HABP2: variants seen among roughly 807,000 people sequenced by gnomAD.
The protein encoded by HABP2 is hyaluronan binding protein 2.
In HABP2, 65 loss-of-function variants were observed where a neutral mutation model predicts 66.5. That is an observed-to-expected ratio of 0.98 (90% CI 0.80 to 1.20). The LOEUF (loss-of-function observed/expected upper bound fraction) is 1.20. Among genes scored for constraint, HABP2 ranks in the 50% most tolerant of loss-of-function variants. The pLI, the probability that HABP2 is intolerant of heterozygous loss-of-function variation, is 0.00. For missense variants in HABP2, 786 were observed against 691.0 expected (o/e 1.14, Z -1.54); for synonymous variants, 263 against 253.9 (o/e 1.04, Z -0.34).
chr10:113,580,542 A>C, intron 7 of HABP2, 53 bp from the exon 8 acceptor site: 1 of 917,006 alleles, frequency 1.1e-6, no homozygotes, highest in East Asian at 2.4e-5. Context: ...CTTTAATAAG[A>C]TCCAGTGTGT....
chr10:113,554,806 T>C (rs1844962608), intron 1 of HABP2, among the ~76,000 whole-genome samples: 1 of 152,218 alleles, frequency 6.6e-6, no homozygotes, highest in East Asian at 1.9e-4. Flanking sequence ...ATTGAATTTT[T>C]AGGGTTAGCA....
intron 3 of HABP2, 26 bp from the exon 4 acceptor site, chr10:113,575,871 C>T: frequency 1.5e-6 from 2 of 1,354,710 alleles, no homozygotes; most frequent in Non-Finnish European, 2.1e-6. Flanking sequence ...TCCTTACCAA[C>T]ATTGCCTTCT....
At chr10:113,572,381 T>C (rs1354510581) in intron 2 of HABP2, among the ~76,000 whole-genome samples, 1 of 152,214 alleles carries the variant, frequency 6.6e-6, no homozygotes, top group Non-Finnish European at 1.5e-5. Context: ...AAAGAAGTAA[T>C]TCTTAATGGC....
intron 1 of HABP2, among the ~76,000 whole-genome samples, chr10:113,564,342 C>T (rs372469439): frequency 6.6e-6 from 1 of 152,138 alleles, no homozygotes. Flanking sequence ...ACAGCCAAAC[C>T]ATATTAGGGT....
At chr10:113,557,295 C>T (rs1310409059) in intron 1 of HABP2, among the ~76,000 whole-genome samples, 3 of 152,086 alleles carry the variant, frequency 2.0e-5, no homozygotes, top group Non-Finnish European at 4.4e-5. Flanking sequence ...ACTGCAAATT[C>T]TCATAGATTT....
chr10:113,554,724 A>G (rs1013228694), intron 1 of HABP2, among the ~76,000 whole-genome samples: 1 of 152,230 alleles, frequency 6.6e-6, no homozygotes, highest in African/African-American at 2.4e-5. Context: ...GGGCAAGGAG[A>G]AACGTTGACA....
chr10:113,583,841 T>A (rs770861227), intron 10 of HABP2, among the ~76,000 whole-genome samples: 1 of 152,216 alleles, frequency 6.6e-6, no homozygotes, highest in African/African-American at 2.4e-5. Context: ...TCCCTTTTCA[T>A]GAGACACCCC....
chr10:113,565,865 C>T (rs926000629), intron 1 of HABP2, among the ~76,000 whole-genome samples: 1 of 152,108 alleles, frequency 6.6e-6, no homozygotes, highest in South Asian at 2.1e-4. Flanking sequence ...TGTAGAATGC[C>T]CTGCAATTTG....
intron 1 of HABP2, among the ~76,000 whole-genome samples, chr10:113,558,493 A>G (rs989180974): frequency 6.6e-6 from 1 of 152,220 alleles, no homozygotes; most frequent in Non-Finnish European, 1.5e-5. Context: ...GAGGATAGAG[A>G]CACCAGCACC....
Position 113,588,798 on chromosome 10 carries a change from CAG to C in HABP2, c.*434_*435del, listed in dbSNP as rs1181106198. The C allele has an allele frequency of 6.7e-5, 41 of 611,728 alleles. 1 individual carries two copies. In the South Asian group the frequency reaches 8.1e-4, roughly 12 times the overall value. 37.9% of individuals were successfully genotyped at this position (611,728 alleles called of 1,614,324 possible). A position where few individuals can be genotyped will look rare whatever the true frequency, so the allele number is the denominator to read the frequency against. On this transcript the variant is annotated 3_prime_UTR_variant, in exon 13 of 13. Coordinates refer to ENST00000351270, the MANE Select transcript of HABP2 (RefSeq NM_004132.5). Reference sequence around the variant, plus strand: ...GAATCAGCCATCCACGTCTAGGTATCAGAGAGGACCACAAATACAACATTCTC... The same window carrying C: ...GAATCAGCCATCCACGTCTAGGTATCAGAGGACCACAAATACAACATTCTC...
rs150520705 is a variant in HABP2 at position 113,557,984 on chromosome 10, G to A, written c.69+4794G>A. The stretch of plus-strand genomic sequence containing the variant: ...CTCTGGGATTCAAGGTCTGCCCAAC[G>A]CCTAGTTCTATGCTCACAAGCACTG... On this transcript the variant is annotated intron_variant, in intron 1 of 12. Transcript: ENST00000351270. Among the ~76,000 whole-genome samples the A allele has an allele frequency of 4.8e-3, 730 of 152,294 alleles. 3 individuals are homozygous for A. Among genetic ancestry groups the A allele is most frequent in the Admixed American group, 0.013 (196 of 15,304 alleles).
intron 2 of HABP2, among the ~76,000 whole-genome samples, chr10:113,573,780 AATG>A (rs1016481163): frequency 1.3e-5 from 2 of 152,180 alleles, no homozygotes; most frequent in Non-Finnish European, 2.9e-5. Context: ...CCAAAAGAAA[AATG>A]ATGAGTTTTC....
chr10:113,577,917 C>T (rs750655992), intron 5 of HABP2, 109 bp from the exon 6 acceptor site: 32 of 1,315,236 alleles, frequency 2.4e-5, no homozygotes, highest in Non-Finnish European at 2.9e-5. Flanking sequence ...ACCCATCTTT[C>T]GCGAAAGGAT....
At chr10:113,584,354 T>C (rs1845596431) in intron 11 of HABP2, 72 bp downstream of exon 11, 2 of 1,328,866 alleles carry the variant, frequency 1.5e-6, no homozygotes, top group African/African-American at 2.9e-5. Flanking sequence ...CAAACTCAAC[T>C]GCCCTTTTGA....
At chr10:113,553,277 T>C (rs1844932053) in intron 1 of HABP2, 87 bp downstream of exon 1, 3 of 987,522 alleles carry the variant, frequency 3.0e-6, no homozygotes, top group East Asian at 2.4e-5. Context: ...TGAGAAACTT[T>C]AGAGTGAAAG....
intron 1 of HABP2, among the ~76,000 whole-genome samples, chr10:113,563,140 G>C (rs1845130288): frequency 6.6e-6 from 1 of 152,180 alleles, no homozygotes; most frequent in Admixed American, 6.5e-5. Flanking sequence ...AAAGGAATGT[G>C]AACTGAGATA....
chr10:113,576,970 C>A (rs1479373216), intron 4 of HABP2, among the ~76,000 whole-genome samples, 180 bp from the exon 5 acceptor site: 1 of 152,186 alleles, frequency 6.6e-6, no homozygotes, highest in Non-Finnish European at 1.5e-5. Flanking sequence ...ATGTGGGAGA[C>A]AATCCTCCAT....
rs1220553730 is a variant in HABP2, at chr10:113,588,694, A to C, written c.*325A>C. On this transcript the variant is annotated 3_prime_UTR_variant, in exon 13 of 13. Transcript: ENST00000351270. ...TCCACCACAGGCATCCTGCAAATGC[A>C]GACTCCAGAATCCCCAGCATCAGCG... 3.7e-6 allele frequency: 2 copies of C among 538,410 alleles called. No homozygotes were observed. Among genetic ancestry groups the C allele is most frequent in the African/African-American group, 3.8e-5 (2 of 53,026 alleles). The allele number at this position is 538,410 out of a possible 1,614,324, so 33.4% of individuals were successfully genotyped here. A position where few individuals can be genotyped will look rare whatever the true frequency, so the allele number is the denominator to read the frequency against.
intron 12 of HABP2, 125 bp downstream of exon 12, chr10:113,586,063 C>T (rs1464341676): frequency 2.4e-6 from 2 of 824,570 alleles, no homozygotes; most frequent in African/African-American, 1.7e-5. Context: ...AGCTAAGACA[C>T]AGGTGAGCTG....
Sources: gnomAD v4.1 joint callset for allele counts (sites outside exome capture counted in the v4.1 genomes callset) on GRCh38, gnomAD v4.1.1 for gene constraint, MANE v1.5 for transcripts, NCBI Gene and HGNC (gene_info 2026-07-23, HGNC 2026-07-21) for gene names.